CCSER1: variants seen among roughly 807,000 people sequenced by gnomAD.
The protein encoded by CCSER1 is serine-rich coiled-coil domain-containing protein 1.
CCSER1 carries 41 observed loss-of-function variants against 82.0 expected under a neutral mutation model. That is an observed-to-expected ratio of 0.50 (90% CI 0.39 to 0.65). The LOEUF (loss-of-function observed/expected upper bound fraction) is 0.65. Among genes scored for constraint, CCSER1 ranks in the 30% least tolerant of loss-of-function variants. CCSER1 has a pLI of 0.00. For missense variants in CCSER1, 1,119 were observed against 1,064.2 expected (o/e 1.05, Z -0.72); for synonymous variants, 414 against 383.9 (o/e 1.08, Z -0.92).
In CCSER1 at chr4:91,602,492, A is replaced by AGTT. The variant is rs1764850062; in HGVS notation, c.*3436_*3438dup. Among the ~76,000 whole-genome samples, 2 of 150,964 alleles carry AGTT rather than the reference A, an allele frequency of 1.3e-5. No homozygotes were observed. Among genetic ancestry groups the AGTT allele is most frequent in the African/African-American group, 4.8e-5 (2 of 41,502 alleles). Reference sequence around the variant, plus strand: ...TAGTTGTTGATTAAACAGTAGGAACAGTTTGCTGAATGGTTAGGATTATCT... The same window carrying AGTT: ...TAGTTGTTGATTAAACAGTAGGAACAGTTGTTTGCTGAATGGTTAGGATTATCT... On this transcript the variant is annotated 3_prime_UTR_variant, in exon 11 of 11. Coordinates refer to ENST00000509176, the MANE Select transcript of CCSER1 (RefSeq NM_001145065.2).
chr4:90,333,495 A>T (rs1337052459), intron 3 of CCSER1, among the ~76,000 whole-genome samples: 2 of 152,208 alleles, frequency 1.3e-5, no homozygotes, highest in African/African-American at 4.8e-5. Context: ...AAATTCAGCA[A>T]ACGTGAAATG....
intron 10 of CCSER1, among the ~76,000 whole-genome samples, chr4:91,449,839 T>G (rs2149417893): frequency 6.6e-6 from 1 of 152,272 alleles, no homozygotes; most frequent in Non-Finnish European, 1.5e-5. Context: ...TTGGTCACTG[T>G]TAACTGAATA....
chr4:91,559,821 G>T (rs1762573192), intron 10 of CCSER1, among the ~76,000 whole-genome samples: 1 of 150,818 alleles, frequency 6.6e-6, no homozygotes, highest in Non-Finnish European at 1.5e-5. Context: ...GTATCATATT[G>T]TAATATCTTA....
chr4:90,416,609 T>G (rs1452059033), intron 4 of CCSER1, among the ~76,000 whole-genome samples: 1 of 152,198 alleles, frequency 6.6e-6, no homozygotes, highest in Non-Finnish European at 1.5e-5. Flanking sequence ...TTACCATTCT[T>G]GAAATTTTAG....
chr4:90,452,071 C>T (rs536054253), intron 4 of CCSER1, among the ~76,000 whole-genome samples: 4 of 152,188 alleles, frequency 2.6e-5, no homozygotes, highest in Admixed American at 6.5e-5. Flanking sequence ...TAGTTGAGTA[C>T]TCGTGCCTGA....
At chr4:90,442,163 C>A (rs28515547) in intron 4 of CCSER1, among the ~76,000 whole-genome samples, 1,580 of 152,078 alleles carry the variant, frequency 0.01, 20 homozygotes, top group African/African-American at 0.036. Context: ...GTTCTCACAA[C>A]GAGGGGGGTC....
rs145513007 is a variant in CCSER1 at position 91,012,134 on chromosome 4, C to G, written c.2173-73816C>G. ...TTTTCTAAGAGGCAATGTGCCACTT[C>G]AGCCCAGGCTCAGGGGCTATGACTT... On this transcript the variant is annotated intron_variant, in intron 9 of 10. Coordinates refer to ENST00000509176, the MANE Select transcript of CCSER1 (RefSeq NM_001145065.2). Among the ~76,000 whole-genome samples the G allele has an allele frequency of 2.0e-4, 27 of 135,090 alleles. 8 individuals are homozygous for G. In the East Asian group the frequency reaches 6.0e-3, roughly 30 times the overall value. The allele number at this position is 135,090 out of a possible 152,430, so 88.6% of individuals were successfully genotyped here.
At chr4:90,794,918 G>T (rs868385965) in intron 7 of CCSER1, among the ~76,000 whole-genome samples, 7 of 151,892 alleles carry the variant, frequency 4.6e-5, no homozygotes, top group South Asian at 2.1e-4. Context: ...GTATATTTTT[G>T]TGTGTGTGTG....
chr4:90,947,463 T>C (rs1008325771), intron 9 of CCSER1, among the ~76,000 whole-genome samples: 1 of 152,170 alleles, frequency 6.6e-6, no homozygotes, highest in Non-Finnish European at 1.5e-5. Flanking sequence ...TACACCATAT[T>C]CTCCAGCTAT....
At chr4:91,092,444 C>T (rs1271224554) in intron 10 of CCSER1, among the ~76,000 whole-genome samples, 2 of 152,172 alleles carry the variant, frequency 1.3e-5, no homozygotes, top group Admixed American at 6.5e-5. Flanking sequence ...CTGTGAAGTC[C>T]ATTTGAAGAT....
intron 4 of CCSER1, among the ~76,000 whole-genome samples, chr4:90,447,719 C>T (rs1247073748): frequency 6.6e-6 from 1 of 151,940 alleles, no homozygotes; most frequent in Non-Finnish European, 1.5e-5. Flanking sequence ...AACAAAATAC[C>T]CAAGTCAAAA....
chr4:90,523,621 G>A (rs1773400519), intron 5 of CCSER1, among the ~76,000 whole-genome samples: 1 of 152,092 alleles, frequency 6.6e-6, no homozygotes, highest in African/African-American at 2.4e-5. Context: ...AAGTAAAATA[G>A]AATATCAAAG....
At position 91,542,080 on chromosome 4, in the gene CCSER1, A is replaced by AT. The variant is rs1482760498; in HGVS notation, c.2218-56486dup. On this transcript the variant is annotated intron_variant, in intron 10 of 10. Transcript: ENST00000509176. ...ATCCAATTTTTGATGGGGTTGTTTG[A>AT]TTTTTTCTTGTAAATTTGTTTAAGT... Among the ~76,000 whole-genome samples the AT allele has an allele frequency of 9.9e-5, 15 of 151,764 alleles. No homozygotes were observed. The South Asian group carries it at 3.1e-3, about 32-fold the overall frequency.
chr4:91,278,478 T>C (rs1408007414), intron 10 of CCSER1, among the ~76,000 whole-genome samples: 1 of 152,146 alleles, frequency 6.6e-6, no homozygotes, highest in Non-Finnish European at 1.5e-5. Context: ...CTGAAGTAAG[T>C]ATAGCTACTC....
chr4:91,190,244 A>G (rs1734888778), intron 10 of CCSER1, among the ~76,000 whole-genome samples: 1 of 152,242 alleles, frequency 6.6e-6, no homozygotes, highest in African/African-American at 2.4e-5. Flanking sequence ...AAAACCAGAT[A>G]CATGTTATTT....
chr4:90,765,686 C>A (rs1256666459), intron 7 of CCSER1, among the ~76,000 whole-genome samples: 3 of 151,796 alleles, frequency 2.0e-5, no homozygotes. Flanking sequence ...TTTCAGGAAA[C>A]TGCAGACTAG....
chr4:90,655,751 A>G (rs1403044904), intron 6 of CCSER1, among the ~76,000 whole-genome samples: 1 of 152,036 alleles, frequency 6.6e-6, no homozygotes, highest in Non-Finnish European at 1.5e-5. Flanking sequence ...GTATGTGTGC[A>G]TTTACTCAGA....
intron 10 of CCSER1, among the ~76,000 whole-genome samples, chr4:91,159,017 C>G (rs1354761537): frequency 6.6e-6 from 1 of 151,934 alleles, no homozygotes; most frequent in Non-Finnish European, 1.5e-5. Flanking sequence ...AAGCTTTCTA[C>G]AGTACAGCTC....
intron 8 of CCSER1, among the ~76,000 whole-genome samples, chr4:90,824,762 G>A (rs1251889841): frequency 1.3e-5 from 2 of 152,054 alleles, no homozygotes; most frequent in South Asian, 2.1e-4. Flanking sequence ...ACATAGAAAT[G>A]GACAGCTGTA....
Sources: gnomAD v4.1 joint callset for allele counts (sites outside exome capture counted in the v4.1 genomes callset) on GRCh38, gnomAD v4.1.1 for gene constraint, MANE v1.5 for transcripts, NCBI Gene and HGNC (gene_info 2026-07-23, HGNC 2026-07-21) for gene names.